PAK1: variants seen among roughly 807,000 people sequenced by gnomAD.
PAK1 encodes the protein serine/threonine-protein kinase PAK 1.
A neutral mutation model predicts 67.4 loss-of-function variants in PAK1; 29 were observed. The ratio of observed to expected loss-of-function variants is 0.43; its 90% CI spans 0.32 to 0.59. PAK1 has a LOEUF of 0.59. PAK1 is among the 20% of genes least tolerant of loss of function. The pLI, the probability that PAK1 is intolerant of heterozygous loss-of-function variation, is 0.07. For synonymous variants in PAK1, 223 were observed against 237.4 expected, an observed-to-expected ratio of 0.94 and a Z score of 0.56; for missense variants, 337 against 670.7, an observed-to-expected ratio of 0.50 and a Z score of 5.50.
At chr11:77,492,141 C>T in the PAK1 span, among the ~76,000 whole-genome samples, 3 of 152,122 alleles carry the variant, frequency 2.0e-5, no homozygotes, top group Admixed American at 2.0e-4. Flanking sequence ...TCTGCAGATA[C>T]AGAGATGGAT....
intron 1 of PAK1, among the ~76,000 whole-genome samples, chr11:77,471,589 T>C (rs1173206508): frequency 1.3e-5 from 2 of 151,970 alleles, no homozygotes; most frequent in African/African-American, 4.8e-5. Flanking sequence ...AAACAGAACA[T>C]GCAAGAGTGA....
At chr11:77,410,750 G>A (rs1302398831) in intron 1 of PAK1, among the ~76,000 whole-genome samples, 1 of 150,874 alleles carries the variant, frequency 6.6e-6, no homozygotes, top group Non-Finnish European at 1.5e-5. Flanking sequence ...AGTGAGGAGA[G>A]GAAGACGTAG....
chr11:77,368,726 G>A (rs1238326683), intron 5 of PAK1, among the ~76,000 whole-genome samples: 1 of 151,924 alleles, frequency 6.6e-6, no homozygotes, highest in African/African-American at 2.4e-5. Flanking sequence ...GCATGATCTC[G>A]GCTCACTGCA....
At chr11:77,421,632 T>G (rs1003082175) in intron 1 of PAK1, among the ~76,000 whole-genome samples, 1 of 152,088 alleles carries the variant, frequency 6.6e-6, no homozygotes, top group Non-Finnish European at 1.5e-5. Flanking sequence ...AAGGAATGAA[T>G]GAATAAATGG....
intron 2 of PAK1, among the ~76,000 whole-genome samples, chr11:77,381,701 ATAC>A (rs1320438589): frequency 6.6e-5 from 10 of 152,352 alleles, no homozygotes; most frequent in Non-Finnish European, 1.2e-4. Context: ...TATGAGATAA[ATAC>A]TACTACTGTC....
At chr11:77,524,556 C>T in the PAK1 span, among the ~76,000 whole-genome samples, 16 of 152,350 alleles carry the variant, frequency 1.1e-4, no homozygotes, top group Non-Finnish European at 1.9e-4. Flanking sequence ...CAAGCCTGCC[C>T]TCTTCTGTGT....
the PAK1 span, among the ~76,000 whole-genome samples, chr11:77,489,421 T>TC: frequency 6.9e-6 from 1 of 144,480 alleles, no homozygotes. Context: ...CTCTCTCCTC[T>TC]CTCTCTCCCC....
the PAK1 span, among the ~76,000 whole-genome samples, chr11:77,508,911 C>T: frequency 1.1e-3 from 170 of 148,104 alleles, no homozygotes; most frequent in Middle Eastern, 6.9e-3. Context: ...CCGCCCGCCT[C>T]GGCCTCCCAA....
the PAK1 span, among the ~76,000 whole-genome samples, chr11:77,527,672 C>G: frequency 3.3e-4 from 50 of 152,266 alleles, no homozygotes; most frequent in Middle Eastern, 6.8e-3. Context: ...CCTGGCTCAG[C>G]AGATGGGCTT....
At chr11:77,352,495 C>CGTCA in intron 8 of PAK1, among the ~76,000 whole-genome samples, 1 of 152,226 alleles carries the variant, frequency 6.6e-6, no homozygotes, top group Middle Eastern at 3.4e-3. Flanking sequence ...GCAGTTGTAA[C>CGTCA]GTCATAGCAC....
chr11:77,429,543 G>T (rs745660549), intron 1 of PAK1, among the ~76,000 whole-genome samples: 5 of 152,140 alleles, frequency 3.3e-5, no homozygotes, highest in Admixed American at 3.3e-4. Context: ...GCAATGAAAC[G>T]AATACAGCAC....
the PAK1 span, among the ~76,000 whole-genome samples, chr11:77,490,443 T>C: frequency 8.5e-6 from 1 of 117,630 alleles, no homozygotes; most frequent in African/African-American, 3.3e-5. Context: ...AGCCGCCCCG[T>C]CTGGGAGGGA....
At chr11:77,336,346 G>A in intron 12 of PAK1, 64 bp from the exon 13 acceptor site, 1 of 1,263,754 alleles carries the variant, frequency 7.9e-7, no homozygotes, top group Non-Finnish European at 1.1e-6. Context: ...AGTAAGTGTT[G>A]ACTGTGTACC....
chr11:77,498,252 A>G, the PAK1 span, among the ~76,000 whole-genome samples: 5 of 152,220 alleles, frequency 3.3e-5, no homozygotes. Context: ...AACATGTGGA[A>G]ACTTTCTGAA....
At chr11:77,382,260 C>T (rs1815055962) in intron 2 of PAK1, among the ~76,000 whole-genome samples, 1 of 152,084 alleles carries the variant, frequency 6.6e-6, no homozygotes, top group African/African-American at 2.4e-5. Context: ...AAAAGAGTTC[C>T]AGAGAAATGA....
At chr11:77,325,514 T>C (rs1440258324) in intron 14 of PAK1, 2 of 851,108 alleles carry the variant, frequency 2.3e-6, no homozygotes, top group Admixed American at 6.4e-5. Flanking sequence ...TTATTACTAG[T>C]TATATTACTA....
At chr11:77,349,806 G>A (rs114370663) in intron 8 of PAK1, among the ~76,000 whole-genome samples, 7 of 151,888 alleles carry the variant, frequency 4.6e-5, no homozygotes, top group Non-Finnish European at 1.0e-4. Context: ...TTTCAACTGG[G>A]GGGGTGACAG....
At chr11:77,374,120 A>G (rs1948790887) in intron 5 of PAK1, among the ~76,000 whole-genome samples, 1 of 152,234 alleles carries the variant, frequency 6.6e-6, no homozygotes, top group African/African-American at 2.4e-5. Context: ...ATTATCACAA[A>G]GAAAGAATTT....
the PAK1 span, among the ~76,000 whole-genome samples, chr11:77,498,671 T>A: frequency 6.6e-6 from 1 of 151,456 alleles, no homozygotes; most frequent in Admixed American, 6.6e-5. Flanking sequence ...ATAATTGTAT[T>A]TTTAACACCC....
Sources: allele counts gnomAD v4.1 joint callset (sites outside exome capture counted in the v4.1 genomes callset), GRCh38; gene constraint gnomAD v4.1.1; transcripts MANE v1.5; gene names NCBI Gene and HGNC (gene_info 2026-07-23, HGNC 2026-07-21).